Variants in TRHDE observed in about 807,000 individuals in gnomAD.
TRHDE encodes thyrotropin-releasing hormone-degrading ectoenzyme.
A neutral mutation model predicts 125.7 loss-of-function variants in TRHDE; 72 were observed. The ratio of observed to expected loss-of-function variants is 0.57; its 90% CI spans 0.47 to 0.70. The LOEUF (loss-of-function observed/expected upper bound fraction) is 0.70. TRHDE is among the 30% of genes least tolerant of loss of function. TRHDE has a pLI of 0.00. For synonymous variants in TRHDE, 509 were observed against 509.1 expected (o/e 1.00, Z 0.00); for missense variants, 1,110 against 1,327.1 (o/e 0.84, Z 2.54).
upstream of TRHDE, among the ~76,000 whole-genome samples, chr12:72,271,615 T>C (rs996680498): frequency 3.3e-5 from 5 of 152,124 alleles, no homozygotes; most frequent in Non-Finnish European, 7.4e-5. Context: ...CCCTCCCGCC[T>C]TTCCTGCCTC....
At chr12:72,299,537 C>T (rs1051466763) in intron 2 of TRHDE, among the ~76,000 whole-genome samples, 2 of 152,114 alleles carry the variant, frequency 1.3e-5, no homozygotes, top group African/African-American at 4.8e-5. Flanking sequence ...TTTTATTCAT[C>T]CACAAATATA....
intron 2 of TRHDE, among the ~76,000 whole-genome samples, chr12:72,167,837 T>A (rs1234833390): frequency 6.6e-6 from 1 of 152,242 alleles, no homozygotes; most frequent in Non-Finnish European, 1.5e-5. Flanking sequence ...TTTTGTTTCT[T>A]GCTGCTGAAA....
chr12:72,556,484 G>T (rs1028268843), intron 7 of TRHDE, among the ~76,000 whole-genome samples: 8 of 152,202 alleles, frequency 5.3e-5, no homozygotes, highest in Non-Finnish European at 1.0e-4. Flanking sequence ...GGCTACCACA[G>T]GACCCTCAGT....
chr12:72,548,856 G>T (rs1869543918), intron 7 of TRHDE, among the ~76,000 whole-genome samples: 1 of 151,662 alleles, frequency 6.6e-6, no homozygotes, highest in African/African-American at 2.4e-5. Flanking sequence ...CAACACCAGG[G>T]TATTGAAATT....
At chr12:72,144,728 C>T (rs997055042) in intron 2 of TRHDE, among the ~76,000 whole-genome samples, 4 of 152,134 alleles carry the variant, frequency 2.6e-5, no homozygotes, top group Non-Finnish European at 5.9e-5. Context: ...GAAGAATGTC[C>T]ATGCTACTCT....
chr12:72,390,269 G>A (rs752847893), intron 3 of TRHDE, among the ~76,000 whole-genome samples: 3 of 152,120 alleles, frequency 2.0e-5, no homozygotes, highest in Non-Finnish European at 4.4e-5. Flanking sequence ...AATAATGATT[G>A]TAATAATCCT....
At chr12:72,540,626 C>T (rs996756076) in intron 6 of TRHDE, among the ~76,000 whole-genome samples, 3 of 151,560 alleles carry the variant, frequency 2.0e-5, no homozygotes, top group African/African-American at 7.3e-5. Context: ...GGACAGTTTC[C>T]ACCCTCGGGA....
At chr12:72,396,803 G>T (rs1872811502) in intron 3 of TRHDE, among the ~76,000 whole-genome samples, 1 of 152,096 alleles carries the variant, frequency 6.6e-6, no homozygotes, top group Non-Finnish European at 1.5e-5. Context: ...TCTTGGAATG[G>T]TACACCAGTT....
chr12:72,423,917 G>A (rs1434147344), intron 3 of TRHDE, among the ~76,000 whole-genome samples: 2 of 151,828 alleles, frequency 1.3e-5, no homozygotes, highest in East Asian at 3.9e-4. Context: ...GGAGGGGGAG[G>A]GCCACTAGCT....
At chr12:72,541,682 C>T (rs942153600) in intron 6 of TRHDE, among the ~76,000 whole-genome samples, 1 of 151,250 alleles carries the variant, frequency 6.6e-6, no homozygotes, top group Non-Finnish European at 1.5e-5. Context: ...TTAGAACAGC[C>T]ATATTAAATA....
At chr12:72,575,765 C>T (rs921326797) in intron 12 of TRHDE, among the ~76,000 whole-genome samples, 1 of 151,996 alleles carries the variant, frequency 6.6e-6, no homozygotes, top group Non-Finnish European at 1.5e-5. Context: ...TGAATTTCAC[C>T]ACAAGGTCGA....
intron 2 of TRHDE, chr12:72,255,264 C>T (rs1878782086): frequency 6.6e-6 from 1 of 152,230 alleles, no homozygotes; most frequent in African/African-American, 2.4e-5. Flanking sequence ...AGATCATCAT[C>T]ACTGTGTCAA....
chr12:72,415,630 G>A (rs1357636212), intron 3 of TRHDE, among the ~76,000 whole-genome samples: 1 of 151,058 alleles, frequency 6.6e-6, no homozygotes, highest in Admixed American at 6.6e-5. Context: ...ATATGAGTGA[G>A]AACATGCACT....
chr12:72,354,496 C>T (rs1381823797), intron 2 of TRHDE, among the ~76,000 whole-genome samples: 1 of 151,200 alleles, frequency 6.6e-6, no homozygotes, highest in Non-Finnish European at 1.5e-5. Context: ...AAATCAGTGC[C>T]TAGGGCATAG....
chr12:72,425,250 G>C (rs749000631), intron 3 of TRHDE, among the ~76,000 whole-genome samples: 1 of 152,046 alleles, frequency 6.6e-6, no homozygotes, highest in African/African-American at 2.4e-5. Context: ...AAACTATAGC[G>C]GATTGGTTTT....
At chr12:72,533,723 G>GTTTTTTTTTTTTTTTTTTTTTTTTTTT in intron 6 of TRHDE, among the ~76,000 whole-genome samples, 1 of 97,898 alleles carries the variant, frequency 1.0e-5, no homozygotes, top group Non-Finnish European at 2.3e-5. Context: ...TTTTCTATTT[G>GTTTTTTTTTTTTTTTTTTTTTTTTTTT]TTTTTTTTTT....
intron 2 of TRHDE, among the ~76,000 whole-genome samples, chr12:72,345,084 C>A (rs557204050): frequency 6.6e-6 from 1 of 151,964 alleles, no homozygotes; most frequent in Non-Finnish European, 1.5e-5. Flanking sequence ...AATAGAACTT[C>A]GCTTGTTAAT....
At chr12:72,646,250 G>A (rs1874275449) in intron 15 of TRHDE, among the ~76,000 whole-genome samples, 4 of 151,974 alleles carry the variant, frequency 2.6e-5, no homozygotes, top group African/African-American at 9.7e-5. Flanking sequence ...GAGTTTTTGT[G>A]TACATTTAAG....
At position 72,638,560 on chromosome 12, in the gene TRHDE, G is replaced by GT. The variant is rs1873874639; in HGVS notation, c.2676-13761dup. Among the ~76,000 whole-genome samples the GT allele has an allele frequency of 2.6e-5, 4 of 151,538 alleles. No homozygotes were observed. The South Asian group carries it at 8.4e-4, about 32-fold the overall frequency. Reference sequence around the variant, plus strand: ...GATCCTGTCATTATGATGTTAGCTGGTGATTTTGCTTATTAGTTGATGCAG... The same window carrying GT: ...GATCCTGTCATTATGATGTTAGCTGGTTGATTTTGCTTATTAGTTGATGCAG... On this transcript the variant is annotated intron_variant, in intron 15 of 18. Transcript: ENST00000261180.
Sources: allele counts gnomAD v4.1 joint callset (sites outside exome capture counted in the v4.1 genomes callset), GRCh38; gene constraint gnomAD v4.1.1; transcripts MANE v1.5; gene names NCBI Gene and HGNC (gene_info 2026-07-23, HGNC 2026-07-21).